The following YJU2 variants were observed in gnomAD, a reference collection of about 807,000 sequenced individuals.
The protein encoded by YJU2 is splicing factor YJU2.
A neutral mutation model predicts 39.6 loss-of-function variants in YJU2; 28 were observed. The observed-to-expected ratio is 0.71, with a 90% CI of 0.52 to 0.97. The LOEUF (loss-of-function observed/expected upper bound fraction) is 0.97, where lower values mean the gene tolerates loss of function less well. Ranked by LOEUF, YJU2 falls within the 50% of genes least tolerant of loss-of-function variation. The probability of loss-of-function intolerance (pLI) is 0.00; values close to 1 mark genes in which losing one functional copy is unlikely to be tolerated. For synonymous variants in YJU2, 184 were observed against 182.4 expected (o/e 1.01, Z -0.07); for missense variants, 328 against 430.4 (o/e 0.76, Z 2.11).
At chr19:4,254,684 C>T (rs1023769400) in intron 4 of YJU2, among the ~76,000 whole-genome samples, 195 bp downstream of exon 4, 44 of 151,858 alleles carry the variant, frequency 2.9e-4, no homozygotes, top group Non-Finnish European at 5.3e-4. Context: ...CTTTGGGAGG[C>T]TGAGGCGGGA....
intron 5 of YJU2, among the ~76,000 whole-genome samples, chr19:4,258,978 C>A (rs768217081): frequency 1.8e-4 from 27 of 151,926 alleles, no homozygotes; most frequent in Non-Finnish European, 3.2e-4. Context: ...GGGTGGGAGG[C>A]CCCCAGCACA....
intron 6 of YJU2, among the ~76,000 whole-genome samples, chr19:4,266,785 A>T (rs1321725627): frequency 2.6e-5 from 4 of 152,120 alleles, no homozygotes; most frequent in Non-Finnish European, 5.9e-5. Context: ...GTTTGAGACC[A>T]GCCTGGGCAA....
chr19:4,257,184 C>A (rs1971028372), intron 4 of YJU2, among the ~76,000 whole-genome samples: 1 of 152,140 alleles, frequency 6.6e-6, no homozygotes, highest in Non-Finnish European at 1.5e-5. Context: ...GCCTCAGTTT[C>A]CGTTTCTGTA....
At chr19:4,261,430 G>A (rs1369329986) in intron 5 of YJU2, among the ~76,000 whole-genome samples, 1 of 152,058 alleles carries the variant, frequency 6.6e-6, no homozygotes, top group Non-Finnish European at 1.5e-5. Flanking sequence ...GGCGGAGGTT[G>A]CAGTGAGCCA....
chr19:4,250,422 G>T (rs1008153929), intron 2 of YJU2, among the ~76,000 whole-genome samples: 5 of 152,156 alleles, frequency 3.3e-5, no homozygotes, highest in African/African-American at 1.2e-4. Flanking sequence ...AGTCAGGCAG[G>T]TGCACGGGCC....
At chr19:4,259,016 C>T (rs550019318) in intron 5 of YJU2, among the ~76,000 whole-genome samples, 1 of 151,986 alleles carries the variant, frequency 6.6e-6, no homozygotes, top group Admixed American at 6.6e-5. Flanking sequence ...CAAGGGACGC[C>T]CTCACCAGCC....
At chr19:4,256,214 A>G (rs1009712372) in intron 4 of YJU2, among the ~76,000 whole-genome samples, 2 of 149,478 alleles carry the variant, frequency 1.3e-5, no homozygotes, top group Non-Finnish European at 3.0e-5. Context: ...ATATGTACAC[A>G]CACATATACA....
At chr19:4,255,013 G>A (rs11671473) in intron 4 of YJU2, among the ~76,000 whole-genome samples, 52,519 of 146,312 alleles carry the variant, frequency 0.36, 10,010 homozygotes, top group African/African-American at 0.49. Context: ...CCGAGATGGC[G>A]CCACTGCACT....
At chr19:4,259,863 T>C (rs1250652843) in intron 5 of YJU2, among the ~76,000 whole-genome samples, 8 of 152,008 alleles carry the variant, frequency 5.3e-5, no homozygotes, top group Non-Finnish European at 1.2e-4. Flanking sequence ...GCCTGATGGG[T>C]GTGCAGAGCA....
chr19:4,256,542 T>G (rs1940969258), intron 4 of YJU2, among the ~76,000 whole-genome samples: 1 of 152,192 alleles, frequency 6.6e-6, no homozygotes, highest in Non-Finnish European at 1.5e-5. Context: ...AGTCAGCTAT[T>G]GCTACATAAC....
intron 5 of YJU2, among the ~76,000 whole-genome samples, chr19:4,261,416 A>G (rs1971069590): frequency 6.6e-6 from 1 of 152,004 alleles, no homozygotes; most frequent in Non-Finnish European, 1.5e-5. Flanking sequence ...GCTTGAACCC[A>G]GGAGGCGGAG....
intron 5 of YJU2, among the ~76,000 whole-genome samples, chr19:4,258,811 C>T (rs1247956657): frequency 6.6e-6 from 1 of 152,182 alleles, no homozygotes; most frequent in Non-Finnish European, 1.5e-5. Flanking sequence ...AGGGAAGCTC[C>T]TAGAGACCCA....
chr19:4,257,230 T>G (rs1374555245), intron 4 of YJU2, among the ~76,000 whole-genome samples: 4 of 152,128 alleles, frequency 2.6e-5, no homozygotes, highest in Non-Finnish European at 4.4e-5. Context: ...AGATGGCATA[T>G]GGAAACCTCT....
chr19:4,254,861 G>A (rs549796320), intron 4 of YJU2, among the ~76,000 whole-genome samples: 2 of 152,002 alleles, frequency 1.3e-5, no homozygotes, highest in African/African-American at 4.8e-5. Context: ...TTTGAGACCA[G>A]CCTGACCAAC....
intron 1 of YJU2, 78 bp from the exon 2 acceptor site, chr19:4,249,150 C>A: frequency 1.0e-6 from 1 of 999,556 alleles, no homozygotes; most frequent in South Asian, 1.5e-5. Flanking sequence ...ACACAGCTCC[C>A]CAGAGCCCCT....
chr19:4,257,357 G>A (rs572599247), intron 4 of YJU2, among the ~76,000 whole-genome samples: 7 of 152,230 alleles, frequency 4.6e-5, no homozygotes, highest in East Asian at 3.9e-4. Flanking sequence ...GCATTGGCAC[G>A]ATCTGAGCTC....
chr19:4,256,169 C>CAAAAA (rs368146793), intron 4 of YJU2, among the ~76,000 whole-genome samples: 42 of 117,782 alleles, frequency 3.6e-4, no homozygotes, highest in African/African-American at 1.3e-3. Context: ...AAGACTGTCG[C>CAAAAA]AAAAAAAAAA....
rs1970937811 is a variant in YJU2 at position 4,247,627 on chromosome 19, GTGTGTGTGTGTGTGTGTGTGTGTGT to G, written c.24+458_24+482del. On this transcript the variant is annotated intron_variant, in intron 1 of 7. Coordinates refer to ENST00000262962, the MANE Select transcript of YJU2 (RefSeq NM_018074.6). ...TGTGTGTGTGTGTGTGTGTGTGTGT[GTGTGTGTGTGTGTGTGTGTGTGTGT>G]GTGTGTGTGTGTGTGTGTGTGTGTG... is the stretch of plus-strand genomic sequence containing the variant. Among the ~76,000 whole-genome samples, 40 of 49,052 alleles carry G rather than the reference GTGTGTGTGTGTGTGTGTGTGTGTGT, an allele frequency of 8.2e-4. 4 individuals are homozygous for G. Among genetic ancestry groups the G allele is most frequent in the African/African-American group, 3.6e-3 (31 of 8,630 alleles). The allele number at this position is 49,052 out of a possible 152,430, so 32.2% of individuals were successfully genotyped here. A position where few individuals can be genotyped will look rare whatever the true frequency, so the allele number is the denominator to read the frequency against.
intron 4 of YJU2, among the ~76,000 whole-genome samples, chr19:4,257,449 C>T (rs993271687): frequency 1.4e-4 from 21 of 151,902 alleles, no homozygotes; most frequent in Admixed American, 7.9e-4. Context: ...TGTGCCACCA[C>T]GCCTGGATAA....
Sources: gnomAD v4.1 joint callset for allele counts (sites outside exome capture counted in the v4.1 genomes callset) on GRCh38, gnomAD v4.1.1 for gene constraint, MANE v1.5 for transcripts, NCBI Gene and HGNC (gene_info 2026-07-23, HGNC 2026-07-21) for gene names.